The following ALMS1 variants were observed in gnomAD, a reference collection of about 807,000 sequenced individuals.
The protein encoded by ALMS1 is centrosome-associated protein ALMS1.
In ALMS1, 271 loss-of-function variants were observed where a neutral mutation model predicts 352.2. The observed-to-expected ratio is 0.77, with a 90% confidence interval of 0.70 to 0.85. The LOEUF is 0.85. ALMS1 is among the 40% of genes least tolerant of loss of function. The probability of loss-of-function intolerance (pLI) is 0.00; values close to 1 mark genes in which losing one functional copy is unlikely to be tolerated. For synonymous variants in ALMS1, 1,865 were observed against 1,761.2 expected (o/e 1.06, Z -1.48); for missense variants, 5,445 against 4,870.7 (o/e 1.12, Z -3.51).
At chr2:73,536,328 G>A (rs527914538) in intron 12 of ALMS1, among the ~76,000 whole-genome samples, 80 of 152,290 alleles carry the variant, frequency 5.3e-4, no homozygotes, top group African/African-American at 1.9e-3. Flanking sequence ...TGGTTGGAGA[G>A]ATTAACTTAG....
Position 73,430,515 on chromosome 2 carries a change from C to A in ALMS1, c.1339-1683C>A, listed in dbSNP as rs193160767. Among the ~76,000 whole-genome samples, 202 of 152,244 alleles carry A rather than the reference C, an allele frequency of 1.3e-3. 2 individuals carry two copies. The highest frequency in any genetic ancestry group is 4.7e-3 in the African/African-American group (194 of 41,484). ...AACTGCTGTAAACTATAAACACACACTGTCTCTCACAAGTGTCTATATATT... is the reference window on the plus strand; with the variant it reads ...AACTGCTGTAAACTATAAACACACAATGTCTCTCACAAGTGTCTATATATT... On this transcript the variant is annotated intron_variant, in intron 6 of 22. Transcript: ENST00000613296.
intron 9 of ALMS1, among the ~76,000 whole-genome samples, chr2:73,468,514 A>G (rs755117640): frequency 1.3e-5 from 2 of 151,992 alleles, no homozygotes; most frequent in Non-Finnish European, 2.9e-5. Context: ...GTAAAACTGA[A>G]ACTTATACCC....
chr2:73,511,847 A>G (rs1209940633), intron 10 of ALMS1, among the ~76,000 whole-genome samples: 2 of 152,168 alleles, frequency 1.3e-5, no homozygotes, highest in Non-Finnish European at 2.9e-5. Context: ...CTCCACAACA[A>G]AGAATTGTTT....
intron 9 of ALMS1, chr2:73,456,734 A>C (rs1441608900): frequency 1.3e-5 from 2 of 152,220 alleles, no homozygotes; most frequent in Non-Finnish European, 2.9e-5. Flanking sequence ...TGTGAAAAAC[A>C]AAATTGACAA....
In ALMS1 at chr2:73,386,120, C is replaced by T. The variant is rs778271633; in HGVS notation, c.252C>T (p.Pro84=). 1.3e-6 allele frequency: 2 copies of T among 1,579,908 alleles called. No individual in the cohort carries two copies. The highest frequency in any genetic ancestry group is 1.2e-5 in the South Asian group (1 of 86,074). ...EEAKAWLQAH[P]GRILPPLSPP... ...CCAAGGCCTGGCTGCAGGCGCACCC[C>T]GGCAGGATTTTGCCTCCGCTGTCGC... Residue 84 remains proline (P), a synonymous_variant, in exon 1 of 23, where the codon CCC becomes CCT. Coordinates refer to ENST00000613296, the MANE Select transcript of ALMS1 (RefSeq NM_001378454.1).
At chr2:73,485,909 G>T in intron 9 of ALMS1, among the ~76,000 whole-genome samples, 1 of 152,108 alleles carries the variant, frequency 6.6e-6, no homozygotes, top group Non-Finnish European at 1.5e-5. Flanking sequence ...CCCAAGTGAG[G>T]CAATGCCTTG....
chr2:73,550,358 AGAAG>A lies in ALMS1; in HGVS notation c.10003_10006del (p.Gly3335SerfsTer6). 1 of 1,614,230 alleles carries A rather than the reference AGAAG, an allele frequency of 6.2e-7. No individual in the cohort carries two copies. Among genetic ancestry groups the A allele is most frequent in the East Asian group, 2.2e-5 (1 of 44,890 alleles). On this transcript the variant is annotated frameshift_variant, in exon 13 of 23. Transcript: ENST00000613296. LOFTEE classifies it high-confidence loss of function. The stretch of plus-strand genomic sequence containing the variant: ...CAGCCACTGTTAACATTAAACATAA[AGAAG>A]GAATCTACAGTAAGAGGGTAGTGAC...
At chr2:73,561,832 T>C (rs924749924) in intron 15 of ALMS1, among the ~76,000 whole-genome samples, 2 of 152,142 alleles carry the variant, frequency 1.3e-5, no homozygotes, top group Non-Finnish European at 2.9e-5. Context: ...GATGGAAATA[T>C]AATCTGTAAA....
intron 9 of ALMS1, among the ~76,000 whole-genome samples, chr2:73,481,894 A>G (rs1412744237): frequency 2.0e-5 from 3 of 151,116 alleles, no homozygotes; most frequent in African/African-American, 4.9e-5. Context: ...TTGTTGGTGT[A>G]TAAGGATGCT....
In ALMS1 at chr2:73,557,295, G is replaced by C; in HGVS notation, c.10154G>C (p.Arg3385Thr). ...DKKQQEIHST[R>T]AVTEAAQAKE... ...AAACAGCAAGAGATTCACAGTACAAGGGCAGTGACTGAGGCTGCCCAGGCT... is the reference window on the plus strand; with the variant it reads ...AAACAGCAAGAGATTCACAGTACAACGGCAGTGACTGAGGCTGCCCAGGCT... Residue 3385 changes from arginine to threonine, a missense_variant, in exon 14 of 23, where the codon AGG becomes ACG. Transcript: ENST00000613296. 6.2e-7 allele frequency: 1 copy of C among 1,614,162 alleles called. No homozygotes were observed.
At chr2:73,557,482 A>C in intron 14 of ALMS1, 128 bp downstream of exon 14, 1 of 1,196,632 alleles carries the variant, frequency 8.4e-7, no homozygotes, top group Non-Finnish European at 1.2e-6. Context: ...CTTCTATCTC[A>C]TGTATATATG....
chr2:73,491,333 T>A lies in ALMS1; in HGVS notation c.9374T>A (p.Phe3125Tyr). 1 of 1,614,192 alleles carries A rather than the reference T, an allele frequency of 6.2e-7. No homozygotes were observed. Among genetic ancestry groups the A allele is most frequent in the East Asian group, 2.2e-5 (1 of 44,880 alleles). Residue 3125 changes from phenylalanine (F) to tyrosine (Y), a missense_variant, in exon 10 of 23, where the codon TTC (phenylalanine) becomes TAC (tyrosine). Transcript: ENST00000613296. Reference protein sequence around the residue: ...GFLGPKSSLDFQVVQPSLPDS... With the variant: ...GFLGPKSSLDYQVVQPSLPDS... ...CTAGGACCTAAATCTTCACTGGATT[T>A]CCAAGTCGTACAGCCTTCTCTTCCA...
intron 9 of ALMS1, among the ~76,000 whole-genome samples, chr2:73,455,957 T>C (rs1036973172): frequency 6.6e-6 from 1 of 152,224 alleles, no homozygotes; most frequent in African/African-American, 2.4e-5. Flanking sequence ...TACACAGCTA[T>C]AATAGCTTAT....
chr2:73,440,164 G>T (rs149008003), intron 7 of ALMS1, among the ~76,000 whole-genome samples: 4,917 of 151,964 alleles, frequency 0.032, 210 homozygotes, highest in Admixed American at 0.091. Flanking sequence ...TATATTTTTA[G>T]TAAAGACGGG....
At chr2:73,495,698 C>T (rs1673089945) in intron 10 of ALMS1, among the ~76,000 whole-genome samples, 1 of 152,132 alleles carries the variant, frequency 6.6e-6, no homozygotes, top group Non-Finnish European at 1.5e-5. Context: ...TGTGTATACT[C>T]ATATCTGTAT....
At chr2:73,570,099 A>G (rs76571306) in intron 15 of ALMS1, among the ~76,000 whole-genome samples, 2,074 of 152,292 alleles carry the variant, frequency 0.014, 27 homozygotes, top group Non-Finnish European at 0.018. Flanking sequence ...CAGGAAGAGG[A>G]GGGAGTTGGA....
At chr2:73,607,657 T>A (rs935211882) in intron 21 of ALMS1, among the ~76,000 whole-genome samples, 3 of 152,000 alleles carry the variant, frequency 2.0e-5, no homozygotes, top group African/African-American at 7.3e-5. Context: ...TATTATTATT[T>A]TTGAGATGGA....
At position 73,557,340 on chromosome 2, in the gene ALMS1, A is replaced by C. The variant is rs367923347; in HGVS notation, c.10199A>C (p.Gln3400Pro). The C allele has an allele frequency of 6.8e-6, 11 of 1,614,166 alleles. No homozygotes were observed. Among genetic ancestry groups the C allele is most frequent in the Non-Finnish European group, 9.3e-6 (11 of 1,180,006 alleles). Residue 3400 changes from glutamine to proline, a missense_variant, in exon 14 of 23, where the codon CAG becomes CCG. Gln to Pro is a moderately conservative substitution (Grantham distance 76). Transcript: ENST00000613296. ...CAGGCTAAAGAAAAAGAATCTTTGCAGAAAGATACTGCAGGTAGCTAAACT... is the reference window on the plus strand; with the variant it reads ...CAGGCTAAAGAAAAAGAATCTTTGCCGAAAGATACTGCAGGTAGCTAAACT... The part of the protein sequence containing the change: ...AAQAKEKESL[Q>P]KDTADSSAAA...
At chr2:73,587,854 A>G (rs1332190387) in intron 16 of ALMS1, among the ~76,000 whole-genome samples, 1 of 152,274 alleles carries the variant, frequency 6.6e-6, no homozygotes, top group Admixed American at 6.5e-5. Context: ...CCAATACCAC[A>G]GAAATACAAA....
Sources: allele counts gnomAD v4.1 joint callset (sites outside exome capture counted in the v4.1 genomes callset), GRCh38; gene constraint gnomAD v4.1.1; transcripts MANE v1.5; gene names NCBI Gene and HGNC (gene_info 2026-07-23, HGNC 2026-07-21).